PREP: variants seen among roughly 807,000 people sequenced by gnomAD.
PREP encodes prolyl endopeptidase.
Under a neutral mutation model 87.6 loss-of-function variants are expected in PREP, and 29 were observed. The ratio of observed to expected loss-of-function variants is 0.33; its 90% CI spans 0.25 to 0.45. The LOEUF (loss-of-function observed/expected upper bound fraction) is 0.45. Among genes scored for constraint, PREP ranks in the 20% least tolerant of loss-of-function variants. The probability of loss-of-function intolerance (pLI) is 1.00; values close to 1 mark genes in which losing one functional copy is unlikely to be tolerated. For missense variants in PREP, 695 were observed against 886.5 expected (o/e 0.78, Z 2.74); for synonymous variants, 337 against 328.6 (o/e 1.03, Z -0.28).
At chr6:105,362,334 G>A (rs1022092686) in intron 6 of PREP, among the ~76,000 whole-genome samples, 15 of 152,272 alleles carry the variant, frequency 9.9e-5, no homozygotes, top group African/African-American at 7.2e-5. Context: ...GGTGGCGTAC[G>A]CCTTTAATCC....
At chr6:105,281,179 C>T (rs77676511) in intron 14 of PREP, 9,557 of 152,390 alleles carry the variant, frequency 0.063, 410 homozygotes, top group Admixed American at 0.11. Context: ...CTTGCAGTCT[C>T]GGGATGTTGG....
intron 10 of PREP, among the ~76,000 whole-genome samples, chr6:105,310,145 A>G (rs1398014308): frequency 6.6e-6 from 1 of 152,254 alleles, no homozygotes; most frequent in Non-Finnish European, 1.5e-5. Context: ...GAGAGTGGGA[A>G]GATGTAAACC....
chr6:105,371,608 C>G (rs1451356038), intron 5 of PREP, among the ~76,000 whole-genome samples: 1 of 146,840 alleles, frequency 6.8e-6, no homozygotes, highest in Non-Finnish European at 1.5e-5. Flanking sequence ...GGCTGAACTT[C>G]TTTTTTTCAT....
chr6:105,393,010 T>C (rs1267891012), intron 2 of PREP, among the ~76,000 whole-genome samples: 1 of 152,182 alleles, frequency 6.6e-6, no homozygotes, highest in Non-Finnish European at 1.5e-5. Flanking sequence ...TCATCTTGGA[T>C]CTGATGAGTT....
chr6:105,341,572 C>T (rs1376594065), intron 7 of PREP, among the ~76,000 whole-genome samples: 1 of 152,046 alleles, frequency 6.6e-6, no homozygotes, highest in Admixed American at 6.5e-5. Flanking sequence ...ACACAAAAAA[C>T]CCTTCAAAAA....
chr6:105,367,011 G>A (rs1308577541), intron 6 of PREP, among the ~76,000 whole-genome samples: 4 of 152,078 alleles, frequency 2.6e-5, no homozygotes, highest in African/African-American at 7.2e-5. Flanking sequence ...AAAGTTCTGA[G>A]GATTGATGAT....
At chr6:105,363,390 G>A (rs982666120) in intron 6 of PREP, among the ~76,000 whole-genome samples, 4 of 152,112 alleles carry the variant, frequency 2.6e-5, no homozygotes, top group African/African-American at 9.7e-5. Context: ...AGAGCTTTGT[G>A]GGTTTTTGGG....
At position 105,402,958 on chromosome 6, in the gene PREP, G is replaced by C; in HGVS notation, c.-67C>G. 3 of 965,046 alleles carry C rather than the reference G, an allele frequency of 3.1e-6. No homozygotes were observed. The highest frequency in any genetic ancestry group is 4.2e-6 in the Non-Finnish European group (3 of 714,308). The allele number at this position is 965,046 out of a possible 1,614,324, so 59.8% of individuals were successfully genotyped here. Reference sequence around the variant, plus strand: ...CCGGGAGCGGACCTGAGCTAGCCGGGCTGGCCGCGAGGCGCGGCTGGGGCG... The same window carrying C: ...CCGGGAGCGGACCTGAGCTAGCCGGCCTGGCCGCGAGGCGCGGCTGGGGCG... On this transcript the variant is annotated 5_prime_UTR_variant, in exon 1 of 15. Coordinates refer to ENST00000652536, the MANE Select transcript of PREP (RefSeq NM_002726.5).
intron 10 of PREP, chr6:105,322,232 A>C (rs1390025662): frequency 1.1e-6 from 1 of 893,034 alleles, no homozygotes. Flanking sequence ...CTCACCATGA[A>C]AACAAAATAA....
At chr6:105,362,671 A>G (rs143100491) in intron 6 of PREP, among the ~76,000 whole-genome samples, 27 of 152,308 alleles carry the variant, frequency 1.8e-4, no homozygotes, top group Non-Finnish European at 3.4e-4. Flanking sequence ...CTGCCTTCCC[A>G]ACCATGCTGC....
intron 2 of PREP, among the ~76,000 whole-genome samples, chr6:105,386,420 T>A (rs964130768): frequency 7.2e-5 from 11 of 151,978 alleles, no homozygotes; most frequent in African/African-American, 2.7e-4. Context: ...TAGAAAGTCA[T>A]GAGATTTTAT....
chr6:105,313,082 A>C (rs931142886), intron 10 of PREP, among the ~76,000 whole-genome samples: 1 of 152,250 alleles, frequency 6.6e-6, no homozygotes, highest in African/African-American at 2.4e-5. Context: ...GAGGGTGAAC[A>C]GAGAATAATC....
At chr6:105,398,174 C>A (rs55825074) in intron 1 of PREP, among the ~76,000 whole-genome samples, 4 of 152,162 alleles carry the variant, frequency 2.6e-5, no homozygotes, top group Admixed American at 6.5e-5. Context: ...AACAGGAAAC[C>A]GCTCTGTCCC....
At chr6:105,325,720 C>T (rs985066557) in intron 9 of PREP, among the ~76,000 whole-genome samples, 6 of 152,190 alleles carry the variant, frequency 3.9e-5, no homozygotes, top group African/African-American at 1.2e-4. Context: ...TCTAATGATG[C>T]TTTGTGTCCC....
chr6:105,344,468 G>A (rs550436466), intron 7 of PREP, among the ~76,000 whole-genome samples: 3 of 150,404 alleles, frequency 2.0e-5, no homozygotes, highest in African/African-American at 4.9e-5. Context: ...CTCCAGCCTG[G>A]GAGATAGAGT....
At position 105,273,944 on chromosome 6, in the gene PREP, C is replaced by T. The variant is rs73769961; in HGVS notation, c.*4200G>A. 0.024 allele frequency among the ~76,000 whole-genome samples: 3,699 copies of T among 152,316 alleles called. 158 individuals carry two copies. Among genetic ancestry groups the T allele is most frequent in the African/African-American group, 0.086 (3,566 of 41,564 alleles). ...TCGGGTCTTTGTCCGAATGTTGCTT[C>T]CTGAAAGAGGCACCCTGACCTCGAC... On this transcript the variant is annotated 3_prime_UTR_variant, in exon 15 of 15. Transcript: ENST00000652536.
intron 2 of PREP, among the ~76,000 whole-genome samples, chr6:105,381,093 G>C (rs1434199669): frequency 1.3e-5 from 2 of 152,150 alleles, no homozygotes; most frequent in Admixed American, 1.3e-4. Flanking sequence ...TCTAGGATTA[G>C]TACATCCAAT....
chr6:105,317,096 C>T (rs1306827644), intron 10 of PREP, among the ~76,000 whole-genome samples: 4 of 151,308 alleles, frequency 2.6e-5, no homozygotes, highest in African/African-American at 7.3e-5. Context: ...CAGTTGTATA[C>T]CACCGTGCCT....
chr6:105,323,253 A>T (rs1398339661), intron 10 of PREP: 1 of 683,340 alleles, frequency 1.5e-6, no homozygotes, highest in Non-Finnish European at 2.3e-6. Context: ...ATGCACATGA[A>T]CTTCAGACTA....
Sources: allele counts gnomAD v4.1 joint callset (sites outside exome capture counted in the v4.1 genomes callset), GRCh38; gene constraint gnomAD v4.1.1; transcripts MANE v1.5; gene names NCBI Gene and HGNC (gene_info 2026-07-23, HGNC 2026-07-21).